CAMKK1: variants seen among roughly 807,000 people sequenced by gnomAD.
CAMKK1 encodes the protein calcium/calmodulin-dependent protein kinase kinase 1.
A neutral mutation model predicts 63.5 loss-of-function variants in CAMKK1; 20 were observed. The ratio of observed to expected loss-of-function variants is 0.32; its 90% CI spans 0.22 to 0.46. The LOEUF (loss-of-function observed/expected upper bound fraction) is 0.46. Ranked by LOEUF, CAMKK1 falls within the 20% of genes least tolerant of loss-of-function variation. The probability of loss-of-function intolerance (pLI) is 1.00; values close to 1 mark genes in which losing one functional copy is unlikely to be tolerated. For synonymous variants in CAMKK1, 253 were observed against 269.0 expected (o/e 0.94, Z 0.58); for missense variants, 588 against 658.1 (o/e 0.89, Z 1.17).
At chr17:3,865,290 A>G (rs2054474574) in intron 15 of CAMKK1, 1 of 986,706 alleles carries the variant, frequency 1.0e-6, no homozygotes, top group South Asian at 4.7e-5. Context: ...CACCATAGGG[A>G]GCCCTCGGCC....
rs2055492051 is a variant in CAMKK1 at position 3,883,193 on chromosome 17, A to T, written c.515-18T>A. ...AGGGCGACCTGTGACCAGGAAGAGA[A>T]CTCAAACACCTGTTCCAGGTGGCTG... On this transcript the variant is annotated intron_variant, in intron 5 of 15. Coordinates refer to ENST00000348335, the MANE Select transcript of CAMKK1 (RefSeq NM_032294.3). This position sits in a 1 kb window ranked among gnomAD's most constrained non-coding sequence, Gnocchi z 4.7. The T allele has an allele frequency of 6.2e-7, 1 of 1,607,754 alleles. No individual in the cohort carries two copies. Among genetic ancestry groups the T allele is most frequent in the African/African-American group, 1.3e-5 (1 of 74,836 alleles).
chr17:3,890,155 G>A lies in CAMKK1; in HGVS notation c.-44+2784C>T, dbSNP rs534520568. Among the ~76,000 whole-genome samples the A allele has an allele frequency of 7.6e-4, 115 of 152,316 alleles. No homozygotes were observed. The highest frequency in any genetic ancestry group is 1.5e-3 in the Non-Finnish European group (99 of 68,028). On this transcript the variant is annotated intron_variant, in intron 1 of 15. Coordinates refer to ENST00000348335, the MANE Select transcript of CAMKK1 (RefSeq NM_032294.3). The surrounding 1 kb of genome is among the most constrained non-coding windows in gnomAD (Gnocchi z 6.5). ...CTGGAGCTGTGTTTATGATCCTGGC[G>A]AGTATCTGGATGGCCCTGGCAACGG...
At chr17:3,868,874 C>T (rs778309406) in intron 14 of CAMKK1, among the ~76,000 whole-genome samples, 11 of 151,882 alleles carry the variant, frequency 7.2e-5, no homozygotes, top group Non-Finnish European at 1.6e-4. Context: ...AGGATGGTCT[C>T]GATCTCCTGA....
chr17:3,866,102 G>A (rs2054510860), intron 14 of CAMKK1, 91 bp from the exon 15 acceptor site: 1 of 1,485,168 alleles, frequency 6.7e-7, no homozygotes. Flanking sequence ...GCTGCCAAGG[G>A]GGCCGCAGTG....
chr17:3,865,739 C>A, intron 15 of CAMKK1, 169 bp downstream of exon 15: 2 of 1,441,846 alleles, frequency 1.4e-6, no homozygotes, highest in Non-Finnish European at 1.8e-6. Flanking sequence ...TCCCTTCTAG[C>A]CCCGACTAAC....
In CAMKK1 at chr17:3,885,548, C is replaced by G; in HGVS notation, c.140G>C (p.Arg47Pro). ...AGGGATCACAGAGGCAGCTCTGGCCCGTGGTGGGGGGTCCACACCGTTTCT... is the reference window on the plus strand; with the variant it reads ...AGGGATCACAGAGGCAGCTCTGGCCGGTGGTGGGGGGTCCACACCGTTTCT... ...PTRNGVDPPPRARAASVIPGS... is the reference protein window; with the variant it reads ...PTRNGVDPPPPARAASVIPGS... Residue 47 changes from arginine to proline, a missense_variant, in exon 2 of 16, where the codon CGG becomes CCG. Arg to Pro is a moderately radical substitution (Grantham distance 103, BLOSUM62 -2). This residue lies in a region of CAMKK1 where 357 missense variants were observed against 407.4 expected (regional missense o/e 0.88). Transcript: ENST00000348335. 6.2e-7 allele frequency: 1 copy of G among 1,613,986 alleles called. No homozygotes were observed. Among genetic ancestry groups the G allele is most frequent in the Non-Finnish European group, 8.5e-7 (1 of 1,180,030 alleles).
rs2054331209 is a variant in CAMKK1, at chr17:3,861,453, G to A, written c.*758C>T. 1 of 152,386 alleles carries A rather than the reference G, an allele frequency of 6.6e-6. No individual in the cohort carries two copies. The highest frequency in any genetic ancestry group is 1.5e-5 in the Non-Finnish European group (1 of 68,148). 9.4% of individuals were successfully genotyped at this position (152,386 alleles called of 1,614,324 possible). A position where few individuals can be genotyped will look rare whatever the true frequency, so the allele number is the denominator to read the frequency against. ...CGCTTCAGGCCTCTGCTCAGAGCTT[G>A]ATTCCGTTCAGTCCACTTTCCAGAT... On this transcript the variant is annotated 3_prime_UTR_variant, in exon 16 of 16. Transcript: ENST00000348335.
chr17:3,873,345 C>T, intron 11 of CAMKK1, 64 bp downstream of exon 11: 2 of 1,430,054 alleles, frequency 1.4e-6, no homozygotes, highest in East Asian at 2.3e-5. Flanking sequence ...GAAGAGCCTG[C>T]ATCCGTCGCC....
chr17:3,869,604 C>T lies in CAMKK1; in HGVS notation c.1224G>A (p.Trp408Ter). 6.2e-7 allele frequency: 1 copy of T among 1,614,214 alleles called. No individual in the cohort carries two copies. Residue 408 changes from tryptophan to a stop codon, truncating the protein, a stop_gained, in exon 14 of 16, where the codon TGG (tryptophan) becomes TGA (stop). Coordinates refer to ENST00000348335, the MANE Select transcript of CAMKK1 (RefSeq NM_032294.3). LOFTEE classifies it high-confidence loss of function. The part of the protein sequence containing the change: ...IGVPDIKLHP[W>*]VTKNGEEPLP... ...GGGGCTCCTCCCCGTTCTTGGTCAC[C>T]CAAGGGTGCAACTGTCGGGGCCGGG...
At chr17:3,870,820 C>A (rs1405711518) in intron 12 of CAMKK1, among the ~76,000 whole-genome samples, 1 of 152,010 alleles carries the variant, frequency 6.6e-6, no homozygotes, top group Non-Finnish European at 1.5e-5. Context: ...GGAAAGACAC[C>A]CCTCAGCAGG....
chr17:3,861,195 G>A lies in CAMKK1; in HGVS notation c.*1016C>T, dbSNP rs2567868. ...AGGTTCTGTGTCTCGTGATCCCTCC[G>A]ACCTGGACAGTTTGTCCTTCGTTGT... On this transcript the variant is annotated 3_prime_UTR_variant, in exon 16 of 16. Coordinates refer to ENST00000348335, the MANE Select transcript of CAMKK1 (RefSeq NM_032294.3). 27,509 of 152,284 alleles carry A rather than the reference G, an allele frequency of 0.18. 2,657 individuals carry two copies. Among genetic ancestry groups the A allele is most frequent in the African/African-American group, 0.21 (8,515 of 41,494 alleles). 9.4% of individuals were successfully genotyped at this position (152,284 alleles called of 1,614,324 possible). A position where few individuals can be genotyped will look rare whatever the true frequency, so the allele number is the denominator to read the frequency against.
chr17:3,877,849 T>C (rs918585174), intron 9 of CAMKK1, among the ~76,000 whole-genome samples: 1 of 152,158 alleles, frequency 6.6e-6, no homozygotes, highest in African/African-American at 2.4e-5. Context: ...AGATTTCCAA[T>C]AGACATCTTG....
rs1182208947 is a variant in CAMKK1, at chr17:3,884,300, T to C, written c.408+80A>G. On this transcript the variant is annotated intron_variant, in intron 3 of 15. Coordinates refer to ENST00000348335, the MANE Select transcript of CAMKK1 (RefSeq NM_032294.3). This position sits in a 1 kb window ranked among gnomAD's most constrained non-coding sequence, Gnocchi z 4.5. ...AGGACTTGCCTGGCTCTGCCTCCCG[T>C]TCCCTCCCACACGAGAGAAGGAGCA... The C allele has an allele frequency of 1.3e-6, 2 of 1,503,114 alleles. No homozygotes were observed. The highest frequency in any genetic ancestry group is 2.8e-5 in the African/African-American group (2 of 72,496). 93.1% of individuals were successfully genotyped at this position (1,503,114 alleles called of 1,614,324 possible). A position where few individuals can be genotyped will look rare whatever the true frequency, so the allele number is the denominator to read the frequency against.
chr17:3,869,192 C>CAG (rs1411348402), intron 14 of CAMKK1, among the ~76,000 whole-genome samples: 1 of 151,926 alleles, frequency 6.6e-6, no homozygotes, highest in Non-Finnish European at 1.5e-5. Flanking sequence ...CTCCTGACCT[C>CAG]GTGATCTGCC....
chr17:3,891,513 G>A (rs981804447), intron 1 of CAMKK1, among the ~76,000 whole-genome samples: 2 of 152,186 alleles, frequency 1.3e-5, no homozygotes, highest in African/African-American at 4.8e-5. Context: ...CATTTCAGGT[G>A]CAGGGACCAG....
rs1408112791 is a variant in CAMKK1, at chr17:3,885,595, T to C, written c.93A>G (p.Ala31=). The change falls in exon 2 of 16, where the codon GCA becomes GCG. Residue 31 remains alanine, a synonymous_variant. Transcript: ENST00000348335. ...TTCTAGTAGGCTCTGGGCCACCATC[T>C]GCCTCCTCCAAGTGAGTCACATCGA... ...AAIDVTHLEE[A]DGGPEPTRNG... The C allele has an allele frequency of 1.9e-6, 3 of 1,614,036 alleles. No individual in the cohort carries two copies. Among genetic ancestry groups the C allele is most frequent in the Non-Finnish European group, 2.5e-6 (3 of 1,180,048 alleles).
intron 14 of CAMKK1, among the ~76,000 whole-genome samples, chr17:3,867,914 C>T (rs1567612390): frequency 6.6e-6 from 1 of 151,738 alleles, no homozygotes; most frequent in African/African-American, 2.4e-5. Context: ...AGGAGCAAAA[C>T]CGAAATGTGA....
chr17:3,883,129 G>A lies in CAMKK1; in HGVS notation c.561C>T (p.Ala187=). The part of the protein sequence containing the change: ...RGSQAAQGGP[A]KQLLPLERVY... ...CCCGCTCCAGGGGCAGCAGCTGCTT[G>A]GCTGGTCCTCCCTGGGCAGCCTGGG... Residue 187 remains alanine (A), a synonymous_variant, in exon 6 of 16, where the codon GCC becomes GCT. Coordinates refer to ENST00000348335, the MANE Select transcript of CAMKK1 (RefSeq NM_032294.3). The surrounding 1 kb of genome is among the most constrained non-coding windows in gnomAD (Gnocchi z 4.7). 1.2e-6 allele frequency: 2 copies of A among 1,613,198 alleles called. No homozygotes were observed. The highest frequency in any genetic ancestry group is 1.7e-6 in the Non-Finnish European group (2 of 1,179,986).
At chr17:3,875,952 G>C (rs2055131530) in intron 10 of CAMKK1, among the ~76,000 whole-genome samples, 1 of 152,132 alleles carries the variant, frequency 6.6e-6, no homozygotes, top group Non-Finnish European at 1.5e-5. Flanking sequence ...AGGAAACAGG[G>C]TTCTCTTTGT....
Sources: gnomAD v4.1 joint callset for allele counts (sites outside exome capture counted in the v4.1 genomes callset) on GRCh38, gnomAD v4.1.1 for gene constraint, gnomAD v4.1.1 regional missense constraint, Gnocchi (gnomAD v3.1) non-coding constraint, MANE v1.5 for transcripts, NCBI Gene and HGNC (gene_info 2026-07-23, HGNC 2026-07-21) for gene names.